The following SYDE2 variants were observed in gnomAD, a reference collection of about 807,000 sequenced individuals.
The protein encoded by SYDE2 is synapse defective Rho GTPase homolog 2.
SYDE2 carries 76 observed loss-of-function variants against 91.5 expected under a neutral mutation model. The ratio of observed to expected loss-of-function variants is 0.83; its 90% CI spans 0.69 to 1.01. The LOEUF is 1.01. Among genes scored for constraint, SYDE2 ranks in the 50% least tolerant of loss-of-function variants. The pLI is 0.00. For synonymous variants in SYDE2, 513 were observed against 506.4 expected, an observed-to-expected ratio of 1.01 and a Z score of -0.18; for missense variants, 1,364 against 1,367.7, an observed-to-expected ratio of 1.00 and a Z score of 0.04.
chr1:85,159,424 A>G (rs1179833081), intron 6 of SYDE2, among the ~76,000 whole-genome samples, 175 bp from the exon 7 acceptor site: 1 of 152,234 alleles, frequency 6.6e-6, no homozygotes, highest in Non-Finnish European at 1.5e-5. Flanking sequence ...GAAATAATCT[A>G]GATTAAGGAT....
At chr1:85,155,897 CAG>C (rs1379090214), downstream of SYDE2, among the ~76,000 whole-genome samples, 1 of 151,886 alleles carries the variant, frequency 6.6e-6, no homozygotes, top group Non-Finnish European at 1.5e-5. Flanking sequence ...AGGTAAAGGA[CAG>C]TAATGGAAGG....
chr1:85,197,906 G>A (rs1245177275), intron 1 of SYDE2, among the ~76,000 whole-genome samples: 3 of 152,092 alleles, frequency 2.0e-5, no homozygotes, highest in South Asian at 2.1e-4. Context: ...CGCCCGCCTC[G>A]GCCTCCCAAA....
At chr1:85,160,866 TC>T (rs1657031283) in intron 6 of SYDE2, 1 of 985,306 alleles carries the variant, frequency 1.0e-6, no homozygotes, top group Admixed American at 6.1e-5. Flanking sequence ...TTGTTGCCAG[TC>T]GCTTAGAGTT....
At position 85,182,423 on chromosome 1, in the gene SYDE2, T is replaced by C. The variant is rs777048656; in HGVS notation, c.2219A>G (p.Gln740Arg). The change falls in exon 3 of 7, where the codon CAA becomes CGA. Residue 740 changes from glutamine to arginine, a missense_variant. Transcript: ENST00000341460. ...ACTGAATACTACTAGTTTCAAATGTTGTGCATTTTCAATTTCTATGTTGAA... is the reference window on the plus strand; with the variant it reads ...ACTGAATACTACTAGTTTCAAATGTCGTGCATTTTCAATTTCTATGTTGAA... Reference protein sequence around the residue: ...HTFNIEIENAQHLKLVVFSWE... With the variant: ...HTFNIEIENARHLKLVVFSWE... 3.1e-6 allele frequency: 5 copies of C among 1,613,698 alleles called. No homozygotes were observed. In the Admixed American group the frequency reaches 5.0e-5, roughly 16 times the overall value.
intron 2 of SYDE2, among the ~76,000 whole-genome samples, chr1:85,183,807 C>A (rs1341689308): frequency 6.6e-6 from 1 of 152,070 alleles, no homozygotes; most frequent in Admixed American, 6.6e-5. Context: ...ATCAATCTGT[C>A]TATTTTATCA....
intron 2 of SYDE2, among the ~76,000 whole-genome samples, chr1:85,188,047 T>C (rs141016519): frequency 6.6e-6 from 1 of 152,176 alleles, no homozygotes; most frequent in Non-Finnish European, 1.5e-5. Flanking sequence ...AGTTTAAGGA[T>C]AGTCACTTAA....
intron 4 of SYDE2, among the ~76,000 whole-genome samples, chr1:85,176,395 T>A (rs908763652): frequency 3.3e-5 from 5 of 152,132 alleles, no homozygotes; most frequent in African/African-American, 1.2e-4. Context: ...GGAATCAAAG[T>A]TTTGATTATC....
At chr1:85,183,404 A>C (rs987252705) in intron 2 of SYDE2, among the ~76,000 whole-genome samples, 1 of 152,110 alleles carries the variant, frequency 6.6e-6, no homozygotes, top group Non-Finnish European at 1.5e-5. Flanking sequence ...CCAATTATTT[A>C]AAATTTAATT....
At chr1:85,192,710 T>C (rs546987055) in intron 1 of SYDE2, among the ~76,000 whole-genome samples, 2 of 152,268 alleles carry the variant, frequency 1.3e-5, no homozygotes, top group South Asian at 4.1e-4. Context: ...ATGAAACAGG[T>C]ATGATTACCA....
chr1:85,199,418 T>A (rs1658723534), intron 1 of SYDE2, among the ~76,000 whole-genome samples: 1 of 152,242 alleles, frequency 6.6e-6, no homozygotes, highest in Admixed American at 6.5e-5. Context: ...CAGTGATAGT[T>A]AAAAATCATG....
chr1:85,196,356 T>G (rs985176110), intron 1 of SYDE2, among the ~76,000 whole-genome samples: 14 of 152,112 alleles, frequency 9.2e-5, no homozygotes, highest in African/African-American at 3.1e-4. Context: ...GAATCTGCAT[T>G]TCAACAAAAT....
At chr1:85,161,725 C>CAA (rs60732181) in intron 6 of SYDE2, among the ~76,000 whole-genome samples, 63 of 83,316 alleles carry the variant, frequency 7.6e-4, no homozygotes, top group South Asian at 9.6e-4. Context: ...GACTCCATCT[C>CAA]AAAAAAAAAA....
intron 1 of SYDE2, among the ~76,000 whole-genome samples, chr1:85,191,706 C>T (rs1018537920): frequency 6.1e-5 from 9 of 147,952 alleles, no homozygotes; most frequent in Non-Finnish European, 1.2e-4. Context: ...TGTGGTGAGC[C>T]GAGATCGTGC....
intron 4 of SYDE2, among the ~76,000 whole-genome samples, chr1:85,177,507 C>G (rs1657745867): frequency 6.6e-6 from 1 of 152,128 alleles, no homozygotes; most frequent in African/African-American, 2.4e-5. Context: ...GCTAATGGTA[C>G]CCAATCAACC....
In SYDE2 at chr1:85,164,624, T is replaced by G. The variant is rs569750698; in HGVS notation, c.2987A>C (p.His996Pro). The change falls in exon 6 of 7, where the codon CAT becomes CCT. Residue 996 changes from histidine to proline, a missense_variant. Coordinates refer to ENST00000341460, the MANE Select transcript of SYDE2 (RefSeq NM_032184.2). Reference sequence around the variant, plus strand: ...TGAATCAGTAAAGACTCTGTTGTTATGGGTGGAAGGCTCTTGCCTCTGACT... The same window carrying G: ...TGAATCAGTAAAGACTCTGTTGTTAGGGGTGGAAGGCTCTTGCCTCTGACT... Reference protein sequence around the residue: ...LLSQRQEPSTHNNRVFTDSEE... With the variant: ...LLSQRQEPSTPNNRVFTDSEE... 1.9e-5 allele frequency: 31 copies of G among 1,606,256 alleles called. No individual in the cohort carries two copies. The highest frequency in any genetic ancestry group is 1.7e-4 in the Middle Eastern group (1 of 6,050).
intron 6 of SYDE2, among the ~76,000 whole-genome samples, chr1:85,159,471 T>G (rs985069089): frequency 2.0e-5 from 3 of 152,234 alleles, no homozygotes; most frequent in African/African-American, 7.2e-5. Flanking sequence ...TAATTCATGC[T>G]ACATCATAAC....
chr1:85,181,940 A>G, intron 3 of SYDE2, 158 bp downstream of exon 3: 1 of 790,416 alleles, frequency 1.3e-6, no homozygotes, highest in Admixed American at 3.6e-5. Context: ...GAGTCAAGTT[A>G]AAAATTATAC....
intron 5 of SYDE2, 52 bp from the exon 6 acceptor site, chr1:85,164,809 G>C (rs988530301): frequency 9.3e-7 from 1 of 1,076,452 alleles, no homozygotes; most frequent in Non-Finnish European, 1.2e-6. Context: ...CAAATTCAAG[G>C]ACACAATTTA....
chr1:85,190,204 T>G lies in SYDE2; in HGVS notation c.1294A>C (p.Ile432Leu), dbSNP rs1658307132. The G allele has an allele frequency of 6.2e-7, 1 of 1,614,002 alleles. No individual in the cohort carries two copies. Among genetic ancestry groups the G allele is most frequent in the Non-Finnish European group, 8.5e-7 (1 of 1,179,906 alleles). Residue 432 changes from isoleucine to leucine, a missense_variant, in exon 2 of 7, where the codon ATT (isoleucine) becomes CTT (leucine). Ile to Leu is a conservative substitution (Grantham distance 5). Coordinates refer to ENST00000341460, the MANE Select transcript of SYDE2 (RefSeq NM_032184.2). ...ATTCCATTTGACCGTGTGGTCTGAA[T>G]ATCACCTGCATGTTCGGAAGAGCAC... ...SLCSSEHAGD[I>L]QTTRSNGMNP...
Sources: gnomAD v4.1 joint callset for allele counts (sites outside exome capture counted in the v4.1 genomes callset) on GRCh38, gnomAD v4.1.1 for gene constraint, MANE v1.5 for transcripts, NCBI Gene and HGNC (gene_info 2026-07-23, HGNC 2026-07-21) for gene names.